NRXN1: variants seen among roughly 807,000 people sequenced by gnomAD.
NRXN1 encodes neurexin-1.
Under a neutral mutation model 150.9 loss-of-function variants are expected in NRXN1, and 39 were observed. The ratio of observed to expected loss-of-function variants is 0.26; its 90% CI spans 0.20 to 0.34. The LOEUF is 0.34. Ranked by LOEUF, NRXN1 falls within the 10% of genes least tolerant of loss-of-function variation. NRXN1 has a pLI of 1.00. For missense variants in NRXN1, 1,815 were observed against 1,949.9 expected (o/e 0.93, Z 1.30); for synonymous variants, 924 against 757.0 (o/e 1.22, Z -3.62).
Position 50,465,462 on chromosome 2 carries a change from C to T in NRXN1, c.3344G>A (p.Ser1115Asn), listed in dbSNP as rs201871194. ...CTTACGGTCATTGCAGAGTGGTCCACTGAAGGAAGTCATACTACAGTCACA... is the reference window on the plus strand; with the variant it reads ...CTTACGGTCATTGCAGAGTGGTCCATTGAAGGAAGTCATACTACAGTCACA... ...FSCDCSMTSF[S>N]GPLCNDPGTT... The change falls in exon 17 of 23, where the codon AGT becomes AAT. Residue 1115 changes from serine to asparagine, a missense_variant. Physicochemically the swap from Ser to Asn is conservative, Grantham distance 46. This residue lies in a region of NRXN1 where 339 missense variants were observed against 440.3 expected (regional missense o/e 0.77). Transcript: ENST00000401669. 7.2e-5 allele frequency: 116 copies of T among 1,610,038 alleles called. No individual in the cohort carries two copies. Among genetic ancestry groups the T allele is most frequent in the Non-Finnish European group, 8.8e-5 (104 of 1,177,760 alleles).
At chr2:50,242,354 A>T (rs1327498150) in intron 17 of NRXN1, among the ~76,000 whole-genome samples, 1 of 151,864 alleles carries the variant, frequency 6.6e-6, no homozygotes, top group African/African-American at 2.4e-5. Flanking sequence ...AAAGAGTTTT[A>T]GATCAGGGCA....
rs553144119 is a variant in NRXN1, at chr2:50,046,168, G to A, written c.4128+7103C>T. On this transcript the variant is annotated intron_variant, in intron 21 of 22. Transcript: ENST00000401669. ...AGTAGGGGAGGTTGCATAAAACAGCGCAAGTTATGGGAATCCTTGGACAGC... is the reference window on the plus strand; with the variant it reads ...AGTAGGGGAGGTTGCATAAAACAGCACAAGTTATGGGAATCCTTGGACAGC... Among the ~76,000 whole-genome samples, 7 of 152,244 alleles carry A rather than the reference G, an allele frequency of 4.6e-5. No individual in the cohort carries two copies. The East Asian group carries it at 9.7e-4, about 21-fold the overall frequency.
At chr2:50,148,456 CA>C (rs745565186) in intron 18 of NRXN1, among the ~76,000 whole-genome samples, 4 of 147,218 alleles carry the variant, frequency 2.7e-5, no homozygotes, top group Non-Finnish European at 6.0e-5. Context: ...ACATGAAGGG[CA>C]AAAAAAAACA....
chr2:50,253,160 T>C (rs2067325371), intron 17 of NRXN1, among the ~76,000 whole-genome samples: 2 of 152,130 alleles, frequency 1.3e-5, no homozygotes. Flanking sequence ...GGTATTTTAT[T>C]GTTTTTGTAG....
At chr2:50,865,657 A>ATTTTTTTT (rs1559368492) in intron 5 of NRXN1, among the ~76,000 whole-genome samples, 2 of 39,846 alleles carry the variant, frequency 5.0e-5, no homozygotes, top group Non-Finnish European at 1.7e-4. Flanking sequence ...AGCATTTGAA[A>ATTTTTTTT]GTTTTTTTTT....
At chr2:50,006,262 T>C (rs554159759) in intron 21 of NRXN1, among the ~76,000 whole-genome samples, 8 of 152,156 alleles carry the variant, frequency 5.3e-5, no homozygotes, top group Admixed American at 2.0e-4. Flanking sequence ...TACCTCCTTC[T>C]TGAACTACCG....
chr2:51,016,105 A>T (rs570064903), intron 2 of NRXN1, among the ~76,000 whole-genome samples: 1 of 152,276 alleles, frequency 6.6e-6, no homozygotes, highest in Non-Finnish European at 1.5e-5. Context: ...CAAACCTGAC[A>T]AAAACAAGCA....
At chr2:50,608,016 C>T (rs1173722966) in intron 8 of NRXN1, among the ~76,000 whole-genome samples, 1 of 151,784 alleles carries the variant, frequency 6.6e-6, no homozygotes, top group Non-Finnish European at 1.5e-5. Flanking sequence ...CCAAGCCCAC[C>T]TGGGGCCTGG....
At chr2:50,722,108 T>A (rs550063510) in intron 5 of NRXN1, among the ~76,000 whole-genome samples, 1 of 152,154 alleles carries the variant, frequency 6.6e-6, no homozygotes, top group African/African-American at 2.4e-5. Context: ...TAGTATTCCA[T>A]AGACTCTATC....
At chr2:50,829,644 T>C (rs1455572136) in intron 5 of NRXN1, 3 of 1,611,738 alleles carry the variant, frequency 1.9e-6, no homozygotes, top group Admixed American at 1.7e-5. Context: ...AGTAGCCAGG[T>C]TGGTACGGGA....
At chr2:50,486,490 A>G (rs956133802) in intron 15 of NRXN1, among the ~76,000 whole-genome samples, 1 of 152,202 alleles carries the variant, frequency 6.6e-6, no homozygotes, top group Non-Finnish European at 1.5e-5. Context: ...AAATATCGGG[A>G]ACTACACATG....
intron 17 of NRXN1, among the ~76,000 whole-genome samples, chr2:50,262,364 C>G (rs2068379555): frequency 6.6e-6 from 1 of 151,802 alleles, no homozygotes; most frequent in South Asian, 2.1e-4. Context: ...TCTAGCAACT[C>G]CACCCAAAAT....
intron 5 of NRXN1, among the ~76,000 whole-genome samples, chr2:50,682,243 A>T (rs1413257777): frequency 6.6e-6 from 1 of 152,212 alleles, no homozygotes; most frequent in African/African-American, 2.4e-5. Context: ...CAGACGGAAG[A>T]TGATGAGCAA....
chr2:50,517,142 G>T (rs1480419853), intron 12 of NRXN1, among the ~76,000 whole-genome samples: 1 of 151,984 alleles, frequency 6.6e-6, no homozygotes, highest in Non-Finnish European at 1.5e-5. Flanking sequence ...ATGTAAATGG[G>T]TTTCATGCAT....
chr2:50,759,257 CAT>C (rs1388397562), intron 5 of NRXN1, among the ~76,000 whole-genome samples: 1 of 151,850 alleles, frequency 6.6e-6, no homozygotes, highest in Admixed American at 6.6e-5. Flanking sequence ...GATTAGAACT[CAT>C]AAACCCCACA....
intron 5 of NRXN1, among the ~76,000 whole-genome samples, chr2:50,700,438 G>GA (rs1465117334): frequency 1.3e-5 from 2 of 151,840 alleles, no homozygotes; most frequent in South Asian, 2.1e-4. Context: ...AAACACAGGA[G>GA]AAAAAAAATG....
chr2:50,336,641 A>G (rs562755551), intron 17 of NRXN1, among the ~76,000 whole-genome samples: 33 of 152,338 alleles, frequency 2.2e-4, no homozygotes, highest in Non-Finnish European at 4.1e-4. Flanking sequence ...AAATTAGTCT[A>G]TTATCACAGC....
intron 11 of NRXN1, 140 bp downstream of exon 11, chr2:50,531,087 C>G (rs2093089504): frequency 1.6e-6 from 1 of 615,478 alleles, no homozygotes; most frequent in African/African-American, 1.8e-5. Context: ...CCGAAAACCT[C>G]AAATTACTTT....
Position 50,054,998 on chromosome 2 carries a change from T to G in NRXN1, c.3765A>C (p.Pro1255=). The G allele has an allele frequency of 1.2e-6, 2 of 1,600,798 alleles. No individual in the cohort carries two copies. Among genetic ancestry groups the G allele is most frequent in the East Asian group, 2.2e-5 (1 of 44,472 alleles). Residue 1255 remains proline (P), a synonymous_variant, in exon 20 of 23, where the codon CCA becomes CCC. Coordinates refer to ENST00000401669, the MANE Select transcript of NRXN1 (RefSeq NM_001330078.2). ...CATCAACTACTCGACCAAGTCGATATGGAATTCGCTGTCTAGCAATCGCCA... is the reference window on the plus strand; with the variant it reads ...CATCAACTACTCGACCAAGTCGATAGGGAATTCGCTGTCTAGCAATCGCCA... ...ERLAIARQRI[P]YRLGRVVDEW...
Sources: allele counts gnomAD v4.1 joint callset (sites outside exome capture counted in the v4.1 genomes callset), GRCh38; gene constraint gnomAD v4.1.1; regional missense constraint gnomAD v4.1.1; transcripts MANE v1.5; gene names NCBI Gene and HGNC (gene_info 2026-07-23, HGNC 2026-07-21).